The following NTM variants were observed in gnomAD, a reference collection of about 807,000 sequenced individuals.
NTM encodes IgLON family member 2.
In NTM, 13 loss-of-function variants were observed where a neutral mutation model predicts 42.1. That is an observed-to-expected ratio of 0.31 (90% CI 0.20 to 0.49). The LOEUF (loss-of-function observed/expected upper bound fraction) is 0.49, where lower values mean the gene tolerates loss of function less well. Ranked by LOEUF, NTM falls within the 20% of genes least tolerant of loss-of-function variation. NTM has a pLI of 0.99. For missense variants in NTM, 373 were observed against 452.8 expected (o/e 0.82, Z 1.60); for synonymous variants, 187 against 179.2 (o/e 1.04, Z -0.35).
chr11:131,514,444 G>C (rs2048636998), intron 1 of NTM, among the ~76,000 whole-genome samples: 1 of 152,126 alleles, frequency 6.6e-6, no homozygotes, highest in Non-Finnish European at 1.5e-5. Context: ...AATTTTAAAA[G>C]GCAGATACGG....
intron 2 of NTM, among the ~76,000 whole-genome samples, chr11:132,035,134 A>G (rs1438429081): frequency 3.9e-5 from 6 of 152,228 alleles, no homozygotes. Flanking sequence ...AAAACCGTAC[A>G]TGAACTTGAT....
At chr11:131,789,935 G>T (rs558491554) in intron 1 of NTM, among the ~76,000 whole-genome samples, 2 of 113,484 alleles carry the variant, frequency 1.8e-5, no homozygotes, top group African/African-American at 7.0e-5. Context: ...CAGCCTGGGC[G>T]ACAGAGCGAG....
intron 8 of NTM, among the ~76,000 whole-genome samples, chr11:132,330,924 G>C (rs2095790865): frequency 6.6e-6 from 1 of 152,214 alleles, no homozygotes; most frequent in Non-Finnish European, 1.5e-5. Flanking sequence ...CTGGCTTTGA[G>C]AGGGCCTTGA....
intron 1 of NTM, among the ~76,000 whole-genome samples, chr11:131,763,346 T>A (rs2084536490): frequency 6.6e-6 from 1 of 152,206 alleles, no homozygotes; most frequent in Non-Finnish European, 1.5e-5. Flanking sequence ...TTCAAAACAG[T>A]AATATTCTCT....
At chr11:132,228,621 G>A in intron 4 of NTM, among the ~76,000 whole-genome samples, 1 of 152,210 alleles carries the variant, frequency 6.6e-6, no homozygotes, top group East Asian at 1.9e-4. Flanking sequence ...CAGAACTCAT[G>A]GCTCTTGAGA....
chr11:132,081,353 T>C (rs911194301), intron 2 of NTM, among the ~76,000 whole-genome samples: 5 of 152,200 alleles, frequency 3.3e-5, no homozygotes, highest in Non-Finnish European at 7.3e-5. Flanking sequence ...AGTACCTGAT[T>C]GTGGGTTCCA....
chr11:132,117,650 T>G lies in NTM; in HGVS notation c.168-28632T>G, dbSNP rs950393455. Among the ~76,000 whole-genome samples the G allele has an allele frequency of 2.6e-5, 4 of 152,222 alleles. No individual in the cohort carries two copies. In the South Asian group the frequency reaches 8.3e-4, roughly 32 times the overall value. On this transcript the variant is annotated intron_variant, in intron 2 of 8. Transcript: ENST00000683400. ...ATAAAATAGTACCCCTCTCCATACT[T>G]CCTGTTGTCCACACAGGAATTTATT...
intron 4 of NTM, among the ~76,000 whole-genome samples, chr11:132,226,800 G>A (rs1253394310): frequency 6.6e-6 from 1 of 152,132 alleles, no homozygotes; most frequent in Non-Finnish European, 1.5e-5. Context: ...CTGAAACTAA[G>A]CTAGAAAGTT....
chr11:131,521,383 CTTTTTTTTT>C (rs773233050), intron 1 of NTM, among the ~76,000 whole-genome samples: 83 of 45,672 alleles, frequency 1.8e-3, no homozygotes, highest in Middle Eastern at 0.026. Context: ...AGGTGCCAGT[CTTTTTTTTT>C]TTTTTTTTTT....
intron 1 of NTM, among the ~76,000 whole-genome samples, chr11:131,658,838 G>T (rs1277936148): frequency 6.6e-6 from 1 of 152,148 alleles, no homozygotes; most frequent in African/African-American, 2.4e-5. Flanking sequence ...GGGCATGGTG[G>T]CAGGCACCTG....
At chr11:131,931,708 G>A (rs376795578) in intron 2 of NTM, among the ~76,000 whole-genome samples, 51 of 152,278 alleles carry the variant, frequency 3.3e-4, no homozygotes, top group East Asian at 3.1e-3. Context: ...TGACTGAGAA[G>A]GAGCCACTGC....
intron 1 of NTM, among the ~76,000 whole-genome samples, chr11:131,658,391 G>C (rs2067478957): frequency 6.6e-6 from 1 of 152,134 alleles, no homozygotes; most frequent in South Asian, 2.1e-4. Context: ...CATTCCCATA[G>C]ACCCCTTTTC....
intron 1 of NTM, among the ~76,000 whole-genome samples, chr11:131,474,804 T>C (rs907145738): frequency 6.6e-6 from 1 of 152,120 alleles, no homozygotes; most frequent in African/African-American, 2.4e-5. Flanking sequence ...CTATTCTCCT[T>C]ACGCCACCCA....
At chr11:132,329,672 A>G (rs982477457) in intron 7 of NTM, among the ~76,000 whole-genome samples, 19 of 152,270 alleles carry the variant, frequency 1.2e-4, no homozygotes, top group Non-Finnish European at 2.1e-4. Flanking sequence ...CAAATACAGC[A>G]TGAGCACCTA....
chr11:131,526,244 G>T (rs2050460570), intron 1 of NTM, among the ~76,000 whole-genome samples: 1 of 152,178 alleles, frequency 6.6e-6, no homozygotes, highest in South Asian at 2.1e-4. Context: ...CTTTACTGCA[G>T]CGCAGTAGAA....
At chr11:131,997,920 T>C (rs1369039398) in intron 2 of NTM, among the ~76,000 whole-genome samples, 1 of 152,112 alleles carries the variant, frequency 6.6e-6, no homozygotes, top group Non-Finnish European at 1.5e-5. Context: ...GCCAGGCTCA[T>C]ATGCACCTCT....
chr11:131,815,127 C>T (rs1394684877), intron 1 of NTM, among the ~76,000 whole-genome samples: 3 of 152,194 alleles, frequency 2.0e-5, no homozygotes, highest in Non-Finnish European at 4.4e-5. Flanking sequence ...AGCTCGAACT[C>T]CTCCGCTTGG....
At chr11:132,153,402 G>A (rs780699828) in intron 3 of NTM, among the ~76,000 whole-genome samples, 14 of 152,126 alleles carry the variant, frequency 9.2e-5, no homozygotes, top group Non-Finnish European at 1.6e-4. Flanking sequence ...ATTAAGGGTT[G>A]GATGAGGTCT....
intron 1 of NTM, among the ~76,000 whole-genome samples, chr11:131,500,923 AT>A (rs34610016): frequency 0.24 from 35,887 of 150,990 alleles, 5,354 homozygotes; most frequent in East Asian, 0.46. Context: ...TGAACTCATC[AT>A]TTTTTATGGC....
Sources: gnomAD v4.1 joint callset for allele counts (sites outside exome capture counted in the v4.1 genomes callset) on GRCh38, gnomAD v4.1.1 for gene constraint, MANE v1.5 for transcripts, NCBI Gene and HGNC (gene_info 2026-07-23, HGNC 2026-07-21) for gene names.